The following KALRN variants were observed in gnomAD, a reference collection of about 807,000 sequenced individuals.
The protein encoded by KALRN is kalirin RhoGEF kinase.
In KALRN, 70 loss-of-function variants were observed where a neutral mutation model predicts 353.7. That is an observed-to-expected ratio of 0.20 (90% CI 0.16 to 0.24). The LOEUF (loss-of-function observed/expected upper bound fraction) is 0.24, where lower values mean the gene tolerates loss of function less well. Among genes scored for constraint, KALRN ranks in the 10% least tolerant of loss-of-function variants. The pLI is 1.00. For synonymous variants in KALRN, 1,391 were observed against 1,434.8 expected, an observed-to-expected ratio of 0.97 and a Z score of 0.69; for missense variants, 2,791 against 3,756.7, an observed-to-expected ratio of 0.74 and a Z score of 6.72.
In KALRN at chr3:124,138,821, G is replaced by C. The variant is rs561410753; in HGVS notation, c.74-89169G>C. On this transcript the variant is annotated intron_variant, in intron 1 of 59. Coordinates refer to ENST00000682506, the MANE Select transcript of KALRN (RefSeq NM_001388419.1). Reference sequence around the variant, plus strand: ...GGCTTTGGTCCTCAGAGAGCTCCCAGCTTGTTGGAGGAGACCATGGTATTC... The same window carrying C: ...GGCTTTGGTCCTCAGAGAGCTCCCACCTTGTTGGAGGAGACCATGGTATTC... Among the ~76,000 whole-genome samples the C allele has an allele frequency of 2.6e-5, 4 of 152,338 alleles. No individual in the cohort carries two copies. In the East Asian group the frequency reaches 7.7e-4, roughly 29 times the overall value.
intron 34 of KALRN, among the ~76,000 whole-genome samples, chr3:124,603,174 C>A (rs2076986075): frequency 6.6e-6 from 1 of 152,152 alleles, no homozygotes. Context: ...CCCTAAATAG[C>A]AGAGGCCTGG....
At chr3:124,390,890 C>T (rs1366486685) in intron 11 of KALRN, among the ~76,000 whole-genome samples, 6 of 152,040 alleles carry the variant, frequency 3.9e-5, no homozygotes, top group African/African-American at 7.2e-5. Context: ...TTTCAGTTGC[C>T]GCTTTCTCAG....
intron 5 of KALRN, among the ~76,000 whole-genome samples, chr3:124,275,786 G>A (rs1432836123): frequency 6.6e-6 from 1 of 152,174 alleles, no homozygotes; most frequent in Non-Finnish European, 1.5e-5. Context: ...ATTGATTTTT[G>A]AGAGAAGTTG....
Position 124,572,348 on chromosome 3 carries a change from C to CA in KALRN, c.5182+9270dup, listed in dbSNP as rs1183598958. ...TCAAAAAAAAACAAAAAACAAAAAA[C>CA]AAAAAAAAAAACAGGTTGAATGTCA... On this transcript the variant is annotated intron_variant, in intron 34 of 59. Coordinates refer to ENST00000682506, the MANE Select transcript of KALRN (RefSeq NM_001388419.1). Among the ~76,000 whole-genome samples, 864 of 139,994 alleles carry CA rather than the reference C, an allele frequency of 6.2e-3. 11 individuals are homozygous for CA. The highest frequency in any genetic ancestry group is 0.011 in the East Asian group (53 of 4,848). The allele number at this position is 139,994 out of a possible 152,430, so 91.8% of individuals were successfully genotyped here. A position where few individuals can be genotyped will look rare whatever the true frequency, so the allele number is the denominator to read the frequency against.
chr3:124,268,494 G>A, intron 4 of KALRN: 1 of 516,454 alleles, frequency 1.9e-6, no homozygotes, highest in South Asian at 2.7e-5. Flanking sequence ...CACAAAAGCA[G>A]TTCTTCTGGG....
intron 51 of KALRN, among the ~76,000 whole-genome samples, chr3:124,680,147 A>G (rs1485766191): frequency 6.6e-6 from 1 of 152,254 alleles, no homozygotes; most frequent in Admixed American, 6.5e-5. Context: ...GTGTGAAGGA[A>G]AAGGAGCCCT....
At chr3:124,669,959 T>C (rs2086183340) in intron 47 of KALRN, among the ~76,000 whole-genome samples, 1 of 136,196 alleles carries the variant, frequency 7.3e-6, no homozygotes, top group Non-Finnish European at 1.6e-5. Context: ...CCCCCATATA[T>C]TTTCTTTTTT....
chr3:124,331,153 G>A (rs960195603), intron 8 of KALRN, among the ~76,000 whole-genome samples: 21 of 152,158 alleles, frequency 1.4e-4, no homozygotes, highest in Admixed American at 3.9e-4. Flanking sequence ...TAGTGTTGAG[G>A]TTATAAAGGT....
chr3:124,592,489 T>C (rs13096370), intron 34 of KALRN, among the ~76,000 whole-genome samples: 23,294 of 152,120 alleles, frequency 0.15, 1,911 homozygotes, highest in Middle Eastern at 0.19. Flanking sequence ...TTTTCTTGCC[T>C]GTGCCTTGAC....
intron 1 of KALRN, among the ~76,000 whole-genome samples, chr3:124,052,977 G>C (rs969273683): frequency 6.6e-6 from 1 of 152,146 alleles, no homozygotes; most frequent in African/African-American, 2.4e-5. Context: ...GGGAGAGAGG[G>C]ACTGGAGAGA....
chr3:124,713,095 A>G lies in KALRN; in HGVS notation c.8236A>G (p.Thr2746Ala). 1 of 1,613,964 alleles carries G rather than the reference A, an allele frequency of 6.2e-7. No homozygotes were observed. The highest frequency in any genetic ancestry group is 8.5e-7 in the Non-Finnish European group (1 of 1,179,946). ...QHPQYITLHD[T>A]YESPTSYILI... ...CCCCCAGTACATCACTCTCCATGAC[A>G]CCTATGAGTCCCCCACATCCTACAT... The change falls in exon 58 of 60, where the codon ACC (threonine) becomes GCC (alanine). Residue 2746 changes from threonine to alanine, a missense_variant. Transcript: ENST00000682506.
At chr3:124,640,072 G>A (rs1215070820) in intron 37 of KALRN, among the ~76,000 whole-genome samples, 7 of 152,062 alleles carry the variant, frequency 4.6e-5, no homozygotes, top group Admixed American at 1.3e-4. Context: ...CAGTTCTTCC[G>A]CTTAGAAGAA....
intron 1 of KALRN, among the ~76,000 whole-genome samples, chr3:124,057,715 C>T (rs1478552106): frequency 2.6e-5 from 4 of 152,112 alleles, no homozygotes; most frequent in African/African-American, 9.7e-5. Context: ...CAGCTGCTGC[C>T]TCCCTACTTC....
chr3:124,700,111 G>A (rs550890687), intron 56 of KALRN, 78 bp downstream of exon 56: 46 of 1,424,714 alleles, frequency 3.2e-5, no homozygotes, highest in Middle Eastern at 2.3e-4. Context: ...TCCTGGGCAC[G>A]TTGACATGTC....
intron 10 of KALRN, among the ~76,000 whole-genome samples, chr3:124,366,900 C>T (rs1227350302): frequency 7.5e-6 from 1 of 133,630 alleles, no homozygotes; most frequent in Non-Finnish European, 1.6e-5. Flanking sequence ...CCCCACCTCC[C>T]TCCCGGATGG....
chr3:124,262,190 G>T (rs1319065346), intron 3 of KALRN, among the ~76,000 whole-genome samples: 1 of 152,090 alleles, frequency 6.6e-6, no homozygotes, highest in Non-Finnish European at 1.5e-5. Flanking sequence ...TATGGTATAG[G>T]CATAAGATGG....
chr3:124,606,873 A>G (rs2077402924), intron 34 of KALRN, among the ~76,000 whole-genome samples: 1 of 152,270 alleles, frequency 6.6e-6, no homozygotes, highest in African/African-American at 2.4e-5. Flanking sequence ...AAAAGATAAC[A>G]TCTAGTAATC....
At chr3:124,628,751 TTTTTTTTTTTTTTTTTTTTG>T (rs2080396561) in intron 34 of KALRN, among the ~76,000 whole-genome samples, 1 of 64,156 alleles carries the variant, frequency 1.6e-5, no homozygotes, top group Non-Finnish European at 3.3e-5. Flanking sequence ...AATTTTTTTT[TTTTTTTTTTTTTTTTTTTTG>T]TAGAGACGGA....
chr3:124,365,539 A>G (rs149662403), intron 10 of KALRN, among the ~76,000 whole-genome samples: 1 of 152,316 alleles, frequency 6.6e-6, no homozygotes, highest in East Asian at 1.9e-4. Flanking sequence ...ATAAAAGTGG[A>G]CTTGGCTTTC....
Sources: gnomAD v4.1 joint callset for allele counts (sites outside exome capture counted in the v4.1 genomes callset) on GRCh38, gnomAD v4.1.1 for gene constraint, MANE v1.5 for transcripts, NCBI Gene and HGNC (gene_info 2026-07-23, HGNC 2026-07-21) for gene names.